Variants in MMP3 observed in about 807,000 individuals in gnomAD.
The protein encoded by MMP3 is matrix metallopeptidase 3.
Under a neutral mutation model 47.3 loss-of-function variants are expected in MMP3, and 46 were observed. The observed-to-expected ratio is 0.97, with a 90% CI of 0.77 to 1.24. MMP3 has a LOEUF of 1.24. Ranked by LOEUF, MMP3 falls within the 50% of genes most tolerant of loss-of-function variation. The pLI, the probability that MMP3 is intolerant of heterozygous loss-of-function variation, is 0.00. For missense variants in MMP3, 558 were observed against 565.5 expected, an observed-to-expected ratio of 0.99 and a Z score of 0.13; for synonymous variants, 216 against 206.5, an observed-to-expected ratio of 1.05 and a Z score of -0.39.
rs149256653 is a variant in MMP3 at position 102,843,532 on chromosome 11, T to G, written c.15A>C (p.Pro5=). MKSL[P]ILLLLCVAVC... Reference sequence around the variant, plus strand: ...CTGCCACGCACAGCAACAGTAGGATTGGAAGACTCTTCATTTCCACTGGCT... The same window carrying G: ...CTGCCACGCACAGCAACAGTAGGATGGGAAGACTCTTCATTTCCACTGGCT... The change falls in exon 1 of 10, where the codon CCA becomes CCC. Residue 5 remains proline (P), a synonymous_variant. Coordinates refer to ENST00000299855, the MANE Select transcript of MMP3 (RefSeq NM_002422.5). The G allele has an allele frequency of 4.3e-6, 7 of 1,613,096 alleles. No individual in the cohort carries two copies. The highest frequency in any genetic ancestry group is 5.1e-6 in the Non-Finnish European group (6 of 1,179,622).
In MMP3 at chr11:102,837,266, C is replaced by G. The variant is rs782557307; in HGVS notation, c.1333+32G>C. The G allele has an allele frequency of 2.6e-6, 4 of 1,511,526 alleles. No individual in the cohort carries two copies. The highest frequency in any genetic ancestry group is 1.7e-5 in the Admixed American group (1 of 59,434). 93.6% of individuals were successfully genotyped at this position (1,511,526 alleles called of 1,614,324 possible). A position where few individuals can be genotyped will look rare whatever the true frequency, so the allele number is the denominator to read the frequency against. On this transcript the variant is annotated intron_variant, in intron 9 of 9. Transcript: ENST00000299855. The surrounding 1 kb of genome is among the most constrained non-coding windows in gnomAD (Gnocchi z 4.4). ...CTGATATCATAAAATGTTTCAAGTG[C>G]TCTATGGCCAACACAGTAAGTATCC...
At chr11:102,842,948 C>G in intron 1 of MMP3, 32 bp from the exon 2 acceptor site, 1 of 1,523,758 alleles carries the variant, frequency 6.6e-7, no homozygotes, top group Non-Finnish European at 8.8e-7. Context: ...TTAGGTCACT[C>G]TTACAATTTT....
At position 102,842,293 on chromosome 11, in the gene MMP3, A is replaced by G; in HGVS notation, c.500-14T>C. Reference sequence around the variant, plus strand: ...AGTCTCCATGTTCTAGTAGGAAAAAAATTTATTGGAAAGATATGTAACAAG... The same window carrying G: ...AGTCTCCATGTTCTAGTAGGAAAAAGATTTATTGGAAAGATATGTAACAAG... On this transcript the variant is annotated splice_polypyrimidine_tract_variant and intron_variant, in intron 3 of 9. Coordinates refer to ENST00000299855, the MANE Select transcript of MMP3 (RefSeq NM_002422.5). The G allele has an allele frequency of 1.9e-6, 3 of 1,593,868 alleles. No individual in the cohort carries two copies. Among genetic ancestry groups the G allele is most frequent in the Non-Finnish European group, 2.6e-6 (3 of 1,173,716 alleles).
At chr11:102,838,873 T>G (rs144646546) in intron 7 of MMP3, among the ~76,000 whole-genome samples, 163 bp from the exon 8 acceptor site, 7 of 152,342 alleles carry the variant, frequency 4.6e-5, no homozygotes, top group African/African-American at 1.2e-4. Context: ...ATTTGCAGAC[T>G]GAATGAATGA....
chr11:102,836,058 C>T lies in MMP3; in HGVS notation c.*68G>A. 8.3e-7 allele frequency: 1 copy of T among 1,201,984 alleles called. No individual in the cohort carries two copies. Among genetic ancestry groups the T allele is most frequent in the East Asian group, 2.4e-5 (1 of 42,552 alleles). 74.5% of individuals were successfully genotyped at this position (1,201,984 alleles called of 1,614,324 possible). A position where few individuals can be genotyped will look rare whatever the true frequency, so the allele number is the denominator to read the frequency against. ...AGGAGAAAACGAACATTTCAATTCA[C>T]AGAGACTTAGGTGAAGAATTATTAG... On this transcript the variant is annotated 3_prime_UTR_variant, in exon 10 of 10. Transcript: ENST00000299855. The surrounding 1 kb of genome is among the most constrained non-coding windows in gnomAD (Gnocchi z 4.6).
chr11:102,842,377 A>T (rs1188177283), intron 3 of MMP3, 54 bp downstream of exon 3: 4 of 1,494,670 alleles, frequency 2.7e-6, no homozygotes, highest in Non-Finnish European at 3.5e-6. Flanking sequence ...GATACATTTC[A>T]TGTGTTTTTT....
intron 6 of MMP3, 132 bp from the exon 7 acceptor site, chr11:102,839,375 G>A: frequency 1.5e-5 from 15 of 1,013,836 alleles, no homozygotes; most frequent in Non-Finnish European, 2.2e-5. Flanking sequence ...ATAGAAATCA[G>A]GTATATTGCC....
rs1555005576 is a variant in MMP3, at chr11:102,842,262, G to C, written c.517C>G (p.Pro173Ala). ...AAAACATTTCCAGGTCCATCAAAAGGGTAAAAGTCTCCATGTTCTAGTAGG... is the reference window on the plus strand; with the variant it reads ...AAAACATTTCCAGGTCCATCAAAAGCGTAAAAGTCTCCATGTTCTAGTAGG... Reference protein sequence around the residue: ...FAVREHGDFYPFDGPGNVLAH... With the variant: ...FAVREHGDFYAFDGPGNVLAH... The change falls in exon 4 of 10, where the codon CCT becomes GCT. Residue 173 changes from proline to alanine, a missense_variant. Coordinates refer to ENST00000299855, the MANE Select transcript of MMP3 (RefSeq NM_002422.5). The C allele has an allele frequency of 6.2e-7, 1 of 1,604,656 alleles. No homozygotes were observed. Among genetic ancestry groups the C allele is most frequent in the South Asian group, 1.1e-5 (1 of 89,062 alleles).
rs1555005084 is a variant in MMP3 at position 102,839,266 on chromosome 11, T to C, written c.936-23A>G. ...TGCCTAAAATATATGTAAAAAGAAA[T>C]GTAAATTGAAAAACAATCTTTCACC... On this transcript the variant is annotated intron_variant, in intron 6 of 9. Coordinates refer to ENST00000299855, the MANE Select transcript of MMP3 (RefSeq NM_002422.5). The C allele has an allele frequency of 3.7e-6, 6 of 1,612,470 alleles. No individual in the cohort carries two copies. In the Admixed American group the frequency reaches 8.4e-5, roughly 23 times the overall value.
chr11:102,839,520 C>T (rs1226513729), intron 6 of MMP3, among the ~76,000 whole-genome samples: 3 of 152,172 alleles, frequency 2.0e-5, no homozygotes, highest in Non-Finnish European at 2.9e-5. Context: ...GCTTTAATTA[C>T]CTGCAATGTA....
chr11:102,840,049 T>C (rs908037798), intron 6 of MMP3, 59 bp downstream of exon 6: 9 of 1,520,390 alleles, frequency 5.9e-6, no homozygotes, highest in Non-Finnish European at 8.0e-6. Flanking sequence ...TTTCTGCGTG[T>C]TTTCCTTTCT....
intron 1 of MMP3, 54 bp from the exon 2 acceptor site, chr11:102,842,970 T>G: frequency 7.0e-7 from 1 of 1,431,314 alleles, no homozygotes; most frequent in Non-Finnish European, 9.4e-7. Flanking sequence ...ACTATAGCTA[T>G]CTATTTATAG....
Position 102,837,092 on chromosome 11 carries a change from G to A in MMP3, c.1333+206C>T, listed in dbSNP as rs1332212991. ...ATGCATGTATAAGATAAAGTAGCGA[G>A]ATTTGTGTAATTATCTTTATGGTTC... On this transcript the variant is annotated intron_variant, in intron 9 of 9. Transcript: ENST00000299855. This position sits in a 1 kb window ranked among gnomAD's most constrained non-coding sequence, Gnocchi z 4.4. Among the ~76,000 whole-genome samples, 1 of 152,194 alleles carries A rather than the reference G, an allele frequency of 6.6e-6. No individual in the cohort carries two copies. The highest frequency in any genetic ancestry group is 1.5e-5 in the Non-Finnish European group (1 of 68,032).
rs1555005837 is a variant in MMP3 at position 102,842,909 on chromosome 11, A to G, written c.113T>C (p.Leu38Pro). 19 of 1,602,200 alleles carry G rather than the reference A, an allele frequency of 1.2e-5. No homozygotes were observed. The highest frequency in any genetic ancestry group is 1.5e-5 in the Non-Finnish European group (18 of 1,172,110). Residue 38 changes from leucine to proline, a missense_variant, in exon 2 of 10, where the codon CTA becomes CCA. By Grantham distance (98) the Leu-to-Pro change is moderately conservative. Transcript: ENST00000299855. Reference sequence around the variant, plus strand: ...TTTTTTGAGGTCGTAGTAGTTTTCTAGATATTTCTAACAGAATAAGTATAG... The same window carrying G: ...TTTTTTGAGGTCGTAGTAGTTTTCTGGATATTTCTAACAGAATAAGTATAG... ...DTSMNLVQKY[L>P]ENYYDLKKDV...
chr11:102,840,067 G>A, intron 6 of MMP3, 41 bp downstream of exon 6: 6 of 1,569,474 alleles, frequency 3.8e-6, no homozygotes, highest in Non-Finnish European at 5.2e-6. Context: ...TCTAAACATT[G>A]TAGATTAAAA....
chr11:102,838,530 G>C (rs781803674), intron 8 of MMP3, 21 bp downstream of exon 8: 7 of 1,606,652 alleles, frequency 4.4e-6, no homozygotes, highest in Non-Finnish European at 5.9e-6. Flanking sequence ...TCCATACAAA[G>C]TCATTTCTCT....
At chr11:102,840,667 G>A in intron 4 of MMP3, 74 bp from the exon 5 acceptor site, 1 of 1,493,384 alleles carries the variant, frequency 6.7e-7, no homozygotes, top group Non-Finnish European at 9.0e-7. Context: ...GCTGTGCATT[G>A]TATTGGTTTT....
At position 102,836,404 on chromosome 11, in the gene MMP3, C is replaced by T. The variant is rs1555004555; in HGVS notation, c.1334-178G>A. ...TTATTTTCATTTATTTCTGCAACAACCCTATGAGGTTGTATGTCTAACTCC... is the reference window on the plus strand; with the variant it reads ...TTATTTTCATTTATTTCTGCAACAATCCTATGAGGTTGTATGTCTAACTCC... On this transcript the variant is annotated intron_variant, in intron 9 of 9. Coordinates refer to ENST00000299855, the MANE Select transcript of MMP3 (RefSeq NM_002422.5). This position sits in a 1 kb window ranked among gnomAD's most constrained non-coding sequence, Gnocchi z 4.6. 1 of 670,608 alleles carries T rather than the reference C, an allele frequency of 1.5e-6. No individual in the cohort carries two copies. 41.5% of individuals were successfully genotyped at this position (670,608 alleles called of 1,614,324 possible). A position where few individuals can be genotyped will look rare whatever the true frequency, so the allele number is the denominator to read the frequency against.
At position 102,843,485 on chromosome 11, in the gene MMP3, T is replaced by C; in HGVS notation, c.62A>G (p.Asp21Gly). ...GGTGTCCTCACCCCTTGCAGCTCCA[T>C]CCAATGGATAGGCTGAGCAAACTGC... ...CVAVCSAYPL[D>G]GAARGEDTSM... The change falls in exon 1 of 10, where the codon GAT (aspartate) becomes GGT (glycine). Residue 21 changes from aspartate to glycine, a missense_variant. Asp to Gly is a moderately conservative substitution (Grantham distance 94, BLOSUM62 -1). Transcript: ENST00000299855. 6.2e-7 allele frequency: 1 copy of C among 1,613,722 alleles called. No homozygotes were observed. The highest frequency in any genetic ancestry group is 8.5e-7 in the Non-Finnish European group (1 of 1,179,810).
Sources: allele counts gnomAD v4.1 joint callset (sites outside exome capture counted in the v4.1 genomes callset), GRCh38; gene constraint gnomAD v4.1.1; non-coding constraint Gnocchi (gnomAD v3.1); transcripts MANE v1.5; gene names NCBI Gene and HGNC (gene_info 2026-07-23, HGNC 2026-07-21).